Variants in NKAIN2 observed in about 807,000 individuals in gnomAD.
NKAIN2 encodes sodium/potassium-transporting ATPase subunit beta-1-interacting protein 2.
A neutral mutation model predicts 32.6 loss-of-function variants in NKAIN2; 14 were observed. The observed-to-expected ratio is 0.43, with a 90% CI of 0.28 to 0.67. The LOEUF (loss-of-function observed/expected upper bound fraction) is 0.67, where lower values mean the gene tolerates loss of function less well. Ranked by LOEUF, NKAIN2 falls within the 30% of genes least tolerant of loss-of-function variation. The probability of loss-of-function intolerance (pLI) is 0.17; values close to 1 mark genes in which losing one functional copy is unlikely to be tolerated. For synonymous variants in NKAIN2, 80 were observed against 87.2 expected (o/e 0.92, Z 0.46); for missense variants, 198 against 258.3 (o/e 0.77, Z 1.60).
chr6:124,129,087 C>G (rs1786326716), intron 1 of NKAIN2, among the ~76,000 whole-genome samples: 2 of 152,224 alleles, frequency 1.3e-5, no homozygotes, highest in Admixed American at 6.5e-5. Context: ...CCTTGCAAGT[C>G]TACTGCCAGG....
intron 3 of NKAIN2, among the ~76,000 whole-genome samples, chr6:124,424,588 C>T (rs1341524409): frequency 1.3e-5 from 2 of 152,226 alleles, no homozygotes; most frequent in East Asian, 3.9e-4. Context: ...TGACTGGACC[C>T]CTAGTAACCA....
chr6:124,320,100 C>T (rs1797112947), intron 2 of NKAIN2, among the ~76,000 whole-genome samples: 1 of 152,110 alleles, frequency 6.6e-6, no homozygotes, highest in Non-Finnish European at 1.5e-5. Context: ...TGAGCTTGCT[C>T]TTTTGTGAAA....
At position 124,229,013 on chromosome 6, in the gene NKAIN2, A is replaced by T. The variant is rs561832812; in HGVS notation, c.55-53992A>T. ...GATCATATAATACTGTTAGTCAACT[A>T]ATAAATATGGCACAATTGAAGGTGT... On this transcript the variant is annotated intron_variant, in intron 1 of 6. Coordinates refer to ENST00000368417, the MANE Select transcript of NKAIN2 (RefSeq NM_001040214.3). Among the ~76,000 whole-genome samples the T allele has an allele frequency of 3.9e-5, 6 of 152,318 alleles. 1 individual carries two copies. The highest frequency in any genetic ancestry group is 1.4e-4 in the African/African-American group (6 of 41,588).
intron 1 of NKAIN2, among the ~76,000 whole-genome samples, chr6:124,039,838 T>G (rs2114806639): frequency 6.6e-6 from 1 of 152,122 alleles, no homozygotes; most frequent in Non-Finnish European, 1.5e-5. Context: ...ATTGACTGGT[T>G]GCGGTGACTA....
chr6:124,634,485 A>G (rs1783696613), intron 3 of NKAIN2, among the ~76,000 whole-genome samples: 1 of 152,150 alleles, frequency 6.6e-6, no homozygotes, highest in Non-Finnish European at 1.5e-5. Context: ...TCAATAATAG[A>G]CTAGATCAAG....
rs71021472 is a variant in NKAIN2 at position 123,948,597 on chromosome 6, A to ATT, written c.54+144374_54+144375dup. 2.4e-3 allele frequency among the ~76,000 whole-genome samples: 119 copies of ATT among 49,314 alleles called. 5 individuals carry two copies. The highest frequency in any genetic ancestry group is 4.3e-3 in the East Asian group (5 of 1,168). The allele number at this position is 49,314 out of a possible 152,430, so 32.4% of individuals were successfully genotyped here. On this transcript the variant is annotated intron_variant, in intron 1 of 6. Coordinates refer to ENST00000368417, the MANE Select transcript of NKAIN2 (RefSeq NM_001040214.3). ...AAATCGTTTCCCCATCTTAAATGGG[A>ATT]TTTTTTTTTTTTTTTTTTTTTTTTT...
chr6:124,111,768 T>G (rs1327374551), intron 1 of NKAIN2, among the ~76,000 whole-genome samples: 1 of 151,944 alleles, frequency 6.6e-6, no homozygotes, highest in Non-Finnish European at 1.5e-5. Flanking sequence ...TTCCATTGGG[T>G]TTTGTTGGGG....
intron 1 of NKAIN2, among the ~76,000 whole-genome samples, chr6:124,280,182 G>A (rs986740166): frequency 6.6e-6 from 1 of 152,056 alleles, no homozygotes; most frequent in African/African-American, 2.4e-5. Flanking sequence ...CATTAAAGAG[G>A]TCCCCATGGG....
chr6:124,544,454 G>C (rs1453335747), intron 3 of NKAIN2, among the ~76,000 whole-genome samples: 1 of 152,020 alleles, frequency 6.6e-6, no homozygotes, highest in African/African-American at 2.4e-5. Context: ...TGTAGAAACT[G>C]GAAGCAACAG....
intron 1 of NKAIN2, among the ~76,000 whole-genome samples, chr6:124,027,545 A>G (rs570446598): frequency 6.6e-6 from 1 of 152,150 alleles, no homozygotes; most frequent in East Asian, 1.9e-4. Flanking sequence ...TCTAGTGACC[A>G]TGTCTTCTCA....
chr6:124,187,471 G>A (rs1401188250), intron 1 of NKAIN2, among the ~76,000 whole-genome samples: 3 of 152,026 alleles, frequency 2.0e-5, no homozygotes, highest in African/African-American at 7.2e-5. Context: ...TGGGTAGACA[G>A]GGCAGTTTCG....
At chr6:124,680,412 G>T (rs983587367) in intron 4 of NKAIN2, among the ~76,000 whole-genome samples, 2 of 152,028 alleles carry the variant, frequency 1.3e-5, no homozygotes, top group Non-Finnish European at 2.9e-5. Context: ...ATTCAAAGCT[G>T]GTTGAGAGCC....
At chr6:124,180,830 A>G (rs1197979139) in intron 1 of NKAIN2, among the ~76,000 whole-genome samples, 2 of 152,062 alleles carry the variant, frequency 1.3e-5, no homozygotes, top group African/African-American at 2.4e-5. Context: ...CTGGCATTGA[A>G]TGCCTGTGGC....
intron 3 of NKAIN2, among the ~76,000 whole-genome samples, chr6:124,533,282 T>C (rs765975339): frequency 2.0e-5 from 3 of 151,762 alleles, no homozygotes; most frequent in Non-Finnish European, 4.4e-5. Context: ...CCATCCTGAC[T>C]AACACGGTGA....
At chr6:123,938,399 TATATATATA>T (rs1562267175) in intron 1 of NKAIN2, among the ~76,000 whole-genome samples, 40 of 1,636 alleles carry the variant, frequency 0.024, no homozygotes, top group African/African-American at 0.046. Flanking sequence ...GCAAGGGTTA[TATATATATA>T]TATATATATA....
At chr6:124,570,841 G>A (rs559419595) in intron 3 of NKAIN2, among the ~76,000 whole-genome samples, 1 of 152,258 alleles carries the variant, frequency 6.6e-6, no homozygotes, top group South Asian at 2.1e-4. Flanking sequence ...ACCCCATAAT[G>A]GTAGCTCCAC....
intron 3 of NKAIN2, among the ~76,000 whole-genome samples, chr6:124,651,477 C>A (rs760243044): frequency 6.6e-6 from 1 of 152,182 alleles, no homozygotes; most frequent in Non-Finnish European, 1.5e-5. Context: ...CTAATGTATT[C>A]TTTGATTAGT....
intron 1 of NKAIN2, among the ~76,000 whole-genome samples, chr6:123,955,196 C>CAA (rs5879708): frequency 1.3e-4 from 14 of 105,024 alleles, no homozygotes; most frequent in Admixed American, 1.9e-4. Context: ...ACAGAAAAAC[C>CAA]AAAAAAAAAA....
chr6:124,261,663 T>A (rs1199862032), intron 1 of NKAIN2, among the ~76,000 whole-genome samples: 1 of 152,066 alleles, frequency 6.6e-6, no homozygotes, highest in Non-Finnish European at 1.5e-5. Flanking sequence ...AGTTCGAGAC[T>A]AGTCTGGCCA....
Sources: allele counts gnomAD v4.1 joint callset (sites outside exome capture counted in the v4.1 genomes callset), GRCh38; gene constraint gnomAD v4.1.1; transcripts MANE v1.5; gene names NCBI Gene and HGNC (gene_info 2026-07-23, HGNC 2026-07-21).